MCC: variants seen among roughly 807,000 people sequenced by gnomAD.
MCC encodes the protein MCC regulator of Wnt signaling pathway, also known as colorectal mutant cancer protein.
A neutral mutation model predicts 116.2 loss-of-function variants in MCC; 90 were observed. That is an observed-to-expected ratio of 0.77 (90% CI 0.65 to 0.92). The LOEUF (loss-of-function observed/expected upper bound fraction) is 0.92, where lower values mean the gene tolerates loss of function less well. MCC is among the 40% of genes least tolerant of loss of function. The pLI, the probability that MCC is intolerant of heterozygous loss-of-function variation, is 0.00. For missense variants in MCC, 1,516 were observed against 1,312.2 expected (o/e 1.16, Z -2.40); for synonymous variants, 578 against 510.5 (o/e 1.13, Z -1.78).
chr5:113,337,172 A>G, intron 3 of MCC, among the ~76,000 whole-genome samples: 1 of 152,154 alleles, frequency 6.6e-6, no homozygotes. Flanking sequence ...CCAGCAGCAT[A>G]GGACATCTAG....
intron 11 of MCC, among the ~76,000 whole-genome samples, chr5:113,075,593 T>A (rs921908114): frequency 3.9e-5 from 6 of 152,192 alleles, no homozygotes; most frequent in Non-Finnish European, 1.5e-5. Flanking sequence ...GGTTTGTAAA[T>A]GCACCAGTCA....
chr5:113,270,922 T>C (rs1765592643), intron 3 of MCC, among the ~76,000 whole-genome samples: 3 of 151,950 alleles, frequency 2.0e-5, no homozygotes, highest in South Asian at 2.1e-4. Context: ...TATATATATA[T>C]ACAAACAAAA....
intron 16 of MCC, 26 bp downstream of exon 16, chr5:113,049,067 G>T: frequency 6.2e-7 from 1 of 1,611,758 alleles, no homozygotes. Flanking sequence ...GAGCCTAAGG[G>T]TGTCCCCAAG....
rs191368977 is a variant in MCC, at chr5:113,093,580, C to G, written c.1398+8159G>C. Among the ~76,000 whole-genome samples the G allele has an allele frequency of 5.9e-3, 891 of 152,072 alleles. 12 individuals are homozygous for G. The highest frequency in any genetic ancestry group is 0.021 in the African/African-American group (862 of 41,478). The stretch of plus-strand genomic sequence containing the variant: ...AGTGAGATGTTGGGGGGATTTGGCC[C>G]TAGAGCTGTCAAACACAAAGAGTGT... On this transcript the variant is annotated intron_variant, in intron 8 of 18. Coordinates refer to ENST00000408903, the MANE Select transcript of MCC (RefSeq NM_001085377.2).
At chr5:113,293,506 G>C (rs1396476374) in intron 3 of MCC, among the ~76,000 whole-genome samples, 1 of 152,126 alleles carries the variant, frequency 6.6e-6, no homozygotes. Context: ...CTTCTTTTCA[G>C]CACCCAGTTC....
intron 6 of MCC, among the ~76,000 whole-genome samples, chr5:113,122,146 G>C (rs1757770086): frequency 6.6e-6 from 1 of 152,148 alleles, no homozygotes. Flanking sequence ...CATCATACCA[G>C]ATATTTACAC....
At chr5:113,235,044 T>A (rs932370467) in intron 3 of MCC, among the ~76,000 whole-genome samples, 4 of 152,226 alleles carry the variant, frequency 2.6e-5, no homozygotes, top group African/African-American at 9.6e-5. Context: ...TCCTTGTAAG[T>A]TCTGCTTTTC....
intron 5 of MCC, among the ~76,000 whole-genome samples, chr5:113,140,036 T>C (rs1277132261): frequency 1.3e-5 from 2 of 152,208 alleles, no homozygotes; most frequent in Non-Finnish European, 2.9e-5. Flanking sequence ...CAAAGGTCTA[T>C]CCAGCATCTC....
intron 1 of MCC, among the ~76,000 whole-genome samples, chr5:113,396,291 G>C (rs145165620): frequency 1.3e-5 from 2 of 152,220 alleles, no homozygotes; most frequent in Non-Finnish European, 2.9e-5. Flanking sequence ...TTGTGCCATT[G>C]CACTCCAACC....
chr5:113,177,204 C>T (rs1214252412), intron 3 of MCC, among the ~76,000 whole-genome samples: 5 of 152,172 alleles, frequency 3.3e-5, no homozygotes, highest in South Asian at 4.1e-4. Context: ...CACACTCTTT[C>T]GGTGGCCTTG....
At chr5:113,127,305 T>G (rs901734643) in intron 5 of MCC, among the ~76,000 whole-genome samples, 1 of 152,252 alleles carries the variant, frequency 6.6e-6, no homozygotes, top group Non-Finnish European at 1.5e-5. Context: ...AGTGCTGCAA[T>G]GAACGTTTGC....
rs10649958 is a variant in MCC, at chr5:113,100,464, C to CTTTTTTTTTTTTTTTTTTTTTTTTTTTTT, written c.1398+1274_1398+1275insAAAAAAAAAAAAAAAAAAAAAAAAAAAAA. Among the ~76,000 whole-genome samples, 3 of 78,810 alleles carry CTTTTTTTTTTTTTTTTTTTTTTTTTTTTT rather than the reference C, an allele frequency of 3.8e-5. 1 individual carries two copies. Among genetic ancestry groups the CTTTTTTTTTTTTTTTTTTTTTTTTTTTTT allele is most frequent in the Non-Finnish European group, 4.6e-5 (2 of 43,854 alleles). The allele number at this position is 78,810 out of a possible 152,430, so 51.7% of individuals were successfully genotyped here. A position where few individuals can be genotyped will look rare whatever the true frequency, so the allele number is the denominator to read the frequency against. On this transcript the variant is annotated intron_variant, in intron 8 of 18. Coordinates refer to ENST00000408903, the MANE Select transcript of MCC (RefSeq NM_001085377.2). ...TGAGACCCACTAGATGTATTTTTCC[C>CTTTTTTTTTTTTTTTTTTTTTTTTTTTTT]TTTTTTTTTTTTTTTTTTTTTTTTG...
In MCC at chr5:113,023,110, T is replaced by G. The variant is rs1750266982; in HGVS notation, c.*4192A>C. The G allele has an allele frequency of 6.6e-6, 1 of 152,208 alleles. No individual in the cohort carries two copies. Among genetic ancestry groups the G allele is most frequent in the Non-Finnish European group, 1.5e-5 (1 of 68,038 alleles). The allele number at this position is 152,208 out of a possible 1,614,324, so 9.4% of individuals were successfully genotyped here. A position where few individuals can be genotyped will look rare whatever the true frequency, so the allele number is the denominator to read the frequency against. On this transcript the variant is annotated 3_prime_UTR_variant, in exon 19 of 19. Coordinates refer to ENST00000408903, the MANE Select transcript of MCC (RefSeq NM_001085377.2). ...ATCAGTGATGCTGTGGTGACAGCAG[T>G]CAGCATTATTTCTTAGAGAATACAA...
chr5:113,268,661 T>G (rs890975935), intron 3 of MCC, among the ~76,000 whole-genome samples: 1 of 152,138 alleles, frequency 6.6e-6, no homozygotes, highest in East Asian at 1.9e-4. Context: ...GAACATGAGC[T>G]CCCAGAAATT....
chr5:113,454,287 T>C (rs549777711), intron 1 of MCC, among the ~76,000 whole-genome samples: 2 of 152,306 alleles, frequency 1.3e-5, no homozygotes, highest in Admixed American at 1.3e-4. Context: ...ATATTTTTTG[T>C]AGAGACAGGG....
chr5:113,295,021 G>T (rs139599255), intron 3 of MCC: 2 of 930,652 alleles, frequency 2.1e-6, no homozygotes, highest in Non-Finnish European at 1.3e-6. Context: ...AGAAAAGGGT[G>T]GGGGCGAGTA....
Position 113,044,834 on chromosome 5 carries a change from A to C in MCC, c.2656-1204T>G, listed in dbSNP as rs540507413. On this transcript the variant is annotated intron_variant, in intron 16 of 18. Transcript: ENST00000408903. ...GGTAATCCACCCACCTTGGCCTCCC[A>C]AAGTGCTGGGATCACAGGCGTGAGC... 1.0e-3 allele frequency among the ~76,000 whole-genome samples: 158 copies of C among 152,338 alleles called. 1 individual carries two copies. Among genetic ancestry groups the C allele is most frequent in the Non-Finnish European group, 2.1e-3 (140 of 68,036 alleles).
intron 15 of MCC, among the ~76,000 whole-genome samples, chr5:113,051,700 G>T (rs562116855): frequency 1.6e-4 from 25 of 151,626 alleles, no homozygotes; most frequent in Non-Finnish European, 2.4e-4. Flanking sequence ...CTCCAGCCTG[G>T]GTAACACAGT....
chr5:113,124,327 T>C (rs1195517937), intron 5 of MCC, among the ~76,000 whole-genome samples: 2 of 152,234 alleles, frequency 1.3e-5, no homozygotes, highest in African/African-American at 4.8e-5. Context: ...TGTGCACTGA[T>C]AGATACATTA....
Sources: allele counts gnomAD v4.1 joint callset (sites outside exome capture counted in the v4.1 genomes callset), GRCh38; gene constraint gnomAD v4.1.1; transcripts MANE v1.5; gene names NCBI Gene and HGNC (gene_info 2026-07-23, HGNC 2026-07-21).